Variants in CCSER1 observed in about 807,000 individuals in gnomAD.
CCSER1 encodes serine-rich coiled-coil domain-containing protein 1.
In CCSER1, 41 loss-of-function variants were observed where a neutral mutation model predicts 82.0. The observed-to-expected ratio is 0.50, with a 90% CI of 0.39 to 0.65. CCSER1 has a LOEUF of 0.65. Among genes scored for constraint, CCSER1 ranks in the 30% least tolerant of loss-of-function variants. CCSER1 has a pLI of 0.00. For synonymous variants in CCSER1, 414 were observed against 383.9 expected, an observed-to-expected ratio of 1.08 and a Z score of -0.92; for missense variants, 1,119 against 1,064.2, an observed-to-expected ratio of 1.05 and a Z score of -0.72.
intron 8 of CCSER1, among the ~76,000 whole-genome samples, chr4:90,871,974 A>G (rs1009513191): frequency 1.3e-5 from 2 of 151,660 alleles, no homozygotes; most frequent in African/African-American, 4.8e-5. Flanking sequence ...TCTGATGTAC[A>G]TAGAGCTACT....
chr4:91,503,571 G>T (rs1199198309), intron 10 of CCSER1, among the ~76,000 whole-genome samples: 1 of 119,724 alleles, frequency 8.4e-6, no homozygotes, highest in Non-Finnish European at 1.9e-5. Context: ...TCCTGTCTGG[G>T]GTCTTTTGGA....
At chr4:90,396,203 A>G (rs962606761) in intron 3 of CCSER1, among the ~76,000 whole-genome samples, 13 of 152,246 alleles carry the variant, frequency 8.5e-5, no homozygotes, top group South Asian at 8.3e-4. Flanking sequence ...CTTAGTTATC[A>G]CTCTACTTCT....
chr4:91,575,914 G>A, intron 10 of CCSER1, among the ~76,000 whole-genome samples: 1 of 151,894 alleles, frequency 6.6e-6, no homozygotes, highest in South Asian at 2.1e-4. Flanking sequence ...AATATAAATT[G>A]GTTCAGCCAT....
chr4:90,915,739 T>C (rs1022825213), intron 8 of CCSER1, among the ~76,000 whole-genome samples: 6 of 152,018 alleles, frequency 3.9e-5, no homozygotes, highest in African/African-American at 9.7e-5. Flanking sequence ...TGTTTGCAGA[T>C]GACATGATTG....
chr4:91,019,317 T>C (rs956257877), intron 9 of CCSER1, among the ~76,000 whole-genome samples: 2 of 152,088 alleles, frequency 1.3e-5, no homozygotes, highest in Non-Finnish European at 2.9e-5. Flanking sequence ...ATTTCAAATC[T>C]TATATCCATG....
intron 7 of CCSER1, among the ~76,000 whole-genome samples, chr4:90,797,443 C>T (rs4129363): frequency 0.066 from 10,033 of 152,162 alleles, 455 homozygotes; most frequent in Admixed American, 0.12. Context: ...GCTTGCCACT[C>T]GGTGCCTTTT....
At chr4:91,272,795 T>C (rs1742135956) in intron 10 of CCSER1, among the ~76,000 whole-genome samples, 1 of 152,222 alleles carries the variant, frequency 6.6e-6, no homozygotes. Context: ...GAGGATCCAG[T>C]TTCATTCTCC....
At chr4:90,132,967 G>A (rs1723059576) in intron 1 of CCSER1, among the ~76,000 whole-genome samples, 1 of 152,206 alleles carries the variant, frequency 6.6e-6, no homozygotes, top group East Asian at 1.9e-4. Flanking sequence ...GGTGTCCTAA[G>A]CAGCAATAGC....
intron 3 of CCSER1, among the ~76,000 whole-genome samples, chr4:90,388,517 C>T (rs1244394326): frequency 6.6e-6 from 1 of 152,068 alleles, no homozygotes; most frequent in Non-Finnish European, 1.5e-5. Flanking sequence ...ACCATCTTAG[C>T]CAGGCTGGTC....
rs1278632899 is a variant in CCSER1, at chr4:90,458,289, G to C, written c.1604-9945G>C. On this transcript the variant is annotated intron_variant, in intron 4 of 10. Transcript: ENST00000509176. ...AGCTACACCTCCCACACTGCAACCA[G>C]CATCTTCACAGCCACCACTCCACAT... Among the ~76,000 whole-genome samples the C allele has an allele frequency of 2.6e-5, 4 of 151,982 alleles. No individual in the cohort carries two copies. The Middle Eastern group carries it at 0.014, about 517-fold the overall frequency.
intron 10 of CCSER1, among the ~76,000 whole-genome samples, chr4:91,136,104 T>C (rs1277120393): frequency 6.6e-6 from 1 of 152,196 alleles, no homozygotes; most frequent in Admixed American, 6.5e-5. Context: ...CAAATCCAAA[T>C]GTTTTGTCAT....
At chr4:90,575,512 A>G (rs971595467) in intron 5 of CCSER1, among the ~76,000 whole-genome samples, 4 of 152,226 alleles carry the variant, frequency 2.6e-5, no homozygotes, top group African/African-American at 9.6e-5. Context: ...TTTCCAACAC[A>G]GGAACTTGAG....
intron 1 of CCSER1, among the ~76,000 whole-genome samples, chr4:90,287,984 A>G (rs73832739): frequency 0.16 from 23,650 of 151,682 alleles, 2,348 homozygotes; most frequent in East Asian, 0.3. Context: ...AACCCTGGGC[A>G]TTTTTTTATT....
intron 6 of CCSER1, among the ~76,000 whole-genome samples, chr4:90,704,358 G>T (rs1738834263): frequency 6.6e-6 from 1 of 152,100 alleles, no homozygotes; most frequent in Non-Finnish European, 1.5e-5. Flanking sequence ...TAGTCTGTTG[G>T]GCTTCCCTTT....
chr4:91,483,710 A>T (rs1758070067), intron 10 of CCSER1, among the ~76,000 whole-genome samples: 1 of 152,206 alleles, frequency 6.6e-6, no homozygotes, highest in Non-Finnish European at 1.5e-5. Context: ...TGCTGGGATT[A>T]CAGGCATAAG....
At position 91,505,128 on chromosome 4, in the gene CCSER1, T is replaced by C. The variant is rs111250849; in HGVS notation, c.2218-93444T>C. Among the ~76,000 whole-genome samples, 93 of 152,198 alleles carry C rather than the reference T, an allele frequency of 6.1e-4. 1 individual carries two copies. Among genetic ancestry groups the C allele is most frequent in the African/African-American group, 2.1e-3 (89 of 41,540 alleles). On this transcript the variant is annotated intron_variant, in intron 10 of 10. Transcript: ENST00000509176. ...ACTGACAGGCCCCAGTGTGTGGTGT[T>C]CCCTTCCCTGTGTCCATGTGCTCTC...
At position 90,365,624 on chromosome 4, in the gene CCSER1, A is replaced by G. The variant is rs371601824; in HGVS notation, c.1510-34412A>G. Among the ~76,000 whole-genome samples the G allele has an allele frequency of 1.9e-3, 287 of 151,962 alleles. 1 individual carries two copies. The highest frequency in any genetic ancestry group is 6.1e-3 in the African/African-American group (252 of 41,566). ...GTAAACACTGGATATGCAAAGGGTT[A>G]TTGGACAAGACAATCCTTTGAATAC... On this transcript the variant is annotated intron_variant, in intron 3 of 10. Transcript: ENST00000509176.
At chr4:90,566,012 C>T (rs1048339316) in intron 5 of CCSER1, among the ~76,000 whole-genome samples, 3 of 151,552 alleles carry the variant, frequency 2.0e-5, no homozygotes, top group Non-Finnish European at 4.4e-5. Context: ...CACATGCCAC[C>T]ACGGCCAGCT....
chr4:91,349,379 A>G (rs1041247239), intron 10 of CCSER1, among the ~76,000 whole-genome samples: 4 of 152,062 alleles, frequency 2.6e-5, no homozygotes, highest in Non-Finnish European at 5.9e-5. Context: ...TCATCTTTAA[A>G]TAAGGTCTCA....
Sources: gnomAD v4.1 joint callset for allele counts (sites outside exome capture counted in the v4.1 genomes callset) on GRCh38, gnomAD v4.1.1 for gene constraint, MANE v1.5 for transcripts, NCBI Gene and HGNC (gene_info 2026-07-23, HGNC 2026-07-21) for gene names.